Variants in IGSF11 observed in about 807,000 individuals in gnomAD.
The protein encoded by IGSF11 is immunoglobulin superfamily member 11.
Under a neutral mutation model 41.0 loss-of-function variants are expected in IGSF11, and 22 were observed. The observed-to-expected ratio is 0.54, with a 90% CI of 0.38 to 0.77. The LOEUF is 0.77. Ranked by LOEUF, IGSF11 falls within the 30% of genes least tolerant of loss-of-function variation. The pLI is 0.00. For missense variants in IGSF11, 444 were observed against 530.8 expected (o/e 0.84, Z 1.61); for synonymous variants, 219 against 201.3 (o/e 1.09, Z -0.74).
intron 1 of IGSF11, among the ~76,000 whole-genome samples, chr3:119,086,566 C>G (rs532832391): frequency 6.6e-6 from 1 of 152,248 alleles, no homozygotes; most frequent in African/African-American, 2.4e-5. Context: ...TAGCAGCAGA[C>G]CTCTCAGCAG....
chr3:119,114,430 G>A (rs13092646), intron 1 of IGSF11, among the ~76,000 whole-genome samples: 17,634 of 152,172 alleles, frequency 0.12, 1,205 homozygotes, highest in Non-Finnish European at 0.14. Context: ...AATTTCTTCC[G>A]CCAGACGCCC....
chr3:118,963,791 GAATC>G (rs1945494809), intron 1 of IGSF11, among the ~76,000 whole-genome samples: 1 of 152,062 alleles, frequency 6.6e-6, no homozygotes, highest in Non-Finnish European at 1.5e-5. Flanking sequence ...GAGAGACAGA[GAATC>G]AATGTTTTTT....
chr3:119,058,688 G>A (rs574771178), intron 1 of IGSF11, among the ~76,000 whole-genome samples: 72 of 152,040 alleles, frequency 4.7e-4, no homozygotes, highest in East Asian at 4.4e-3. Flanking sequence ...TGTTTATTGC[G>A]GCACTATTCA....
At chr3:119,115,579 C>A (rs1194823914) in intron 1 of IGSF11, among the ~76,000 whole-genome samples, 1 of 150,502 alleles carries the variant, frequency 6.6e-6, no homozygotes, top group African/African-American at 2.4e-5. Context: ...AGATTGTTTG[C>A]CCATTTTTAA....
chr3:119,120,980 G>A (rs191286153), intron 1 of IGSF11, among the ~76,000 whole-genome samples: 2 of 152,216 alleles, frequency 1.3e-5, no homozygotes, highest in African/African-American at 4.8e-5. Flanking sequence ...AATAACTCCT[G>A]TATTATCATG....
intron 1 of IGSF11, among the ~76,000 whole-genome samples, chr3:119,040,430 C>T (rs969165398): frequency 2.0e-5 from 3 of 152,172 alleles, no homozygotes; most frequent in South Asian, 2.1e-4. Context: ...GCCAGCTCTG[C>T]GTGAATTACT....
At chr3:118,922,600 G>A (rs1418899327) in intron 4 of IGSF11, among the ~76,000 whole-genome samples, 1 of 151,920 alleles carries the variant, frequency 6.6e-6, no homozygotes, top group Admixed American at 6.6e-5. Flanking sequence ...CCCAGCCCAT[G>A]GAAACCACCA....
chr3:118,941,112 C>T (rs980066227), intron 1 of IGSF11, among the ~76,000 whole-genome samples: 21 of 151,672 alleles, frequency 1.4e-4, no homozygotes, highest in African/African-American at 4.4e-4. Flanking sequence ...TGGGTAAGAC[C>T]TCATCAAAAT....
intron 4 of IGSF11, among the ~76,000 whole-genome samples, chr3:118,906,016 A>G (rs1381056014): frequency 6.6e-6 from 1 of 152,192 alleles, no homozygotes; most frequent in East Asian, 1.9e-4. Context: ...AATGGTAGCT[A>G]ATACTTATCC....
At chr3:119,043,387 A>C (rs1209344461) in intron 1 of IGSF11, among the ~76,000 whole-genome samples, 2 of 152,140 alleles carry the variant, frequency 1.3e-5, no homozygotes, top group Admixed American at 1.3e-4. Context: ...CTAAGTTGCA[A>C]GCCCCATGTT....
At chr3:119,046,833 G>C (rs1426503749) in intron 1 of IGSF11, among the ~76,000 whole-genome samples, 1 of 149,808 alleles carries the variant, frequency 6.7e-6, no homozygotes, top group Non-Finnish European at 1.5e-5. Flanking sequence ...GAGAGTGGGG[G>C]CCAATATTCA....
chr3:118,940,838 A>G (rs2107556603), intron 1 of IGSF11, among the ~76,000 whole-genome samples: 1 of 151,742 alleles, frequency 6.6e-6, no homozygotes, highest in South Asian at 2.1e-4. Flanking sequence ...AAAGTTGTCA[A>G]AGCCATTCAG....
intron 1 of IGSF11, among the ~76,000 whole-genome samples, chr3:119,093,063 C>T (rs1472995398): frequency 8.1e-6 from 1 of 124,090 alleles, no homozygotes; most frequent in African/African-American, 2.5e-5. Flanking sequence ...CAGGGAGTAC[C>T]CCTGTCATTA....
At chr3:119,069,933 C>T (rs937580090) in intron 1 of IGSF11, among the ~76,000 whole-genome samples, 1 of 152,272 alleles carries the variant, frequency 6.6e-6, no homozygotes, top group South Asian at 2.1e-4. Flanking sequence ...TATGAGACAA[C>T]CCTGTAAGAA....
chr3:119,064,682 G>C (rs1347161397), intron 1 of IGSF11, among the ~76,000 whole-genome samples: 9 of 151,854 alleles, frequency 5.9e-5, no homozygotes. Flanking sequence ...ATATCAATCA[G>C]TGCATTTAGG....
chr3:119,032,586 A>T (rs143004125), intron 1 of IGSF11, among the ~76,000 whole-genome samples: 46 of 152,212 alleles, frequency 3.0e-4, no homozygotes, highest in Admixed American at 1.3e-3. Context: ...TTGGCCTTTC[A>T]AGAGTATACC....
At chr3:118,996,554 G>A (rs947572414) in intron 1 of IGSF11, among the ~76,000 whole-genome samples, 5 of 151,682 alleles carry the variant, frequency 3.3e-5, no homozygotes, top group African/African-American at 1.2e-4. Flanking sequence ...ACCCTTCCGT[G>A]GATTCCCATT....
At chr3:118,996,461 C>G (rs566784167) in intron 1 of IGSF11, among the ~76,000 whole-genome samples, 13 of 152,338 alleles carry the variant, frequency 8.5e-5, no homozygotes, top group Middle Eastern at 3.4e-3. Flanking sequence ...TCTACAACAG[C>G]CTCTTAATCC....
chr3:118,953,288 A>T (rs1377185395), intron 1 of IGSF11, among the ~76,000 whole-genome samples: 4 of 151,548 alleles, frequency 2.6e-5, no homozygotes, highest in Non-Finnish European at 5.9e-5. Context: ...TTCTTTATCC[A>T]CTCGTTGATT....
Sources: allele counts gnomAD v4.1 joint callset (sites outside exome capture counted in the v4.1 genomes callset), GRCh38; gene constraint gnomAD v4.1.1; transcripts MANE v1.5; gene names NCBI Gene and HGNC (gene_info 2026-07-23, HGNC 2026-07-21).